The following CTBP2 variants were observed in gnomAD, a reference collection of about 807,000 sequenced individuals.
The protein encoded by CTBP2 is C-terminal-binding protein 2.
In CTBP2, 30 loss-of-function variants were observed where a neutral mutation model predicts 80.3. The ratio of observed to expected loss-of-function variants is 0.37; its 90% CI spans 0.28 to 0.51. CTBP2 has a LOEUF of 0.51. Ranked by LOEUF, CTBP2 falls within the 20% of genes least tolerant of loss-of-function variation. The probability of loss-of-function intolerance (pLI) is 0.93; values close to 1 mark genes in which losing one functional copy is unlikely to be tolerated. For missense variants in CTBP2, 1,212 were observed against 1,375.3 expected (o/e 0.88, Z 1.88); for synonymous variants, 594 against 587.4 (o/e 1.01, Z -0.16).
intron 2 of CTBP2, among the ~76,000 whole-genome samples, chr10:125,109,448 G>A (rs781641176): frequency 6.6e-6 from 1 of 152,188 alleles, no homozygotes; most frequent in Non-Finnish European, 1.5e-5. Flanking sequence ...TGAGAAACCC[G>A]GGCAGATTCT....
chr10:125,090,377 A>G (rs1423655145), intron 2 of CTBP2, among the ~76,000 whole-genome samples: 1 of 151,682 alleles, frequency 6.6e-6, no homozygotes, highest in African/African-American at 2.4e-5. Flanking sequence ...AATATGTATC[A>G]TAAACTGAAT....
Position 124,993,748 on chromosome 10 carries a change from C to T in CTBP2, c.2531+107G>A. 4 of 1,358,046 alleles carry T rather than the reference C, an allele frequency of 2.9e-6. No homozygotes were observed. In the South Asian group the frequency reaches 4.2e-5, roughly 14 times the overall value. The allele number at this position is 1,358,046 out of a possible 1,614,324, so 84.1% of individuals were successfully genotyped here. Reference sequence around the variant, plus strand: ...ACTGTAAATGTCATCTCTGGAGTTTCCTGCCCAGGGACCTGTTTGGGAAAA... The same window carrying T: ...ACTGTAAATGTCATCTCTGGAGTTTTCTGCCCAGGGACCTGTTTGGGAAAA... On this transcript the variant is annotated intron_variant, in intron 6 of 8. Transcript: ENST00000309035.
intron 5 of CTBP2, 88 bp downstream of exon 7, chr10:124,994,381 T>G (rs1465124220): frequency 7.7e-7 from 1 of 1,303,580 alleles, no homozygotes; most frequent in East Asian, 2.4e-5. Flanking sequence ...AGAAACCACC[T>G]CCGTTGCCCT....
chr10:125,073,494 G>A (rs1018508588), intron 2 of CTBP2, among the ~76,000 whole-genome samples: 2 of 152,192 alleles, frequency 1.3e-5, no homozygotes, highest in African/African-American at 4.8e-5. Flanking sequence ...GCCCGCCTTG[G>A]CCCCCCAAAG....
rs183930026 is a variant in CTBP2, at chr10:125,096,937, C to T, written c.-102+14053G>A. ...ATTAACTCTATTCATCAACTAAGTC[C>T]AAACATTTTAGAGTGTATCTGTAAT... is the stretch of plus-strand genomic sequence containing the variant. On this transcript the variant is annotated intron_variant, in intron 2 of 10. Transcript: ENST00000337195. 1.5e-3 allele frequency among the ~76,000 whole-genome samples: 229 copies of T among 152,242 alleles called. 2 individuals are homozygous for T. Among genetic ancestry groups the T allele is most frequent in the Middle Eastern group, 0.014 (4 of 294 alleles).
intron 3 of CTBP2, among the ~76,000 whole-genome samples, chr10:125,001,896 GGTGGCCTCCCTGAAAAC>G (rs1360477690): frequency 1.3e-5 from 2 of 152,236 alleles, no homozygotes; most frequent in African/African-American, 2.4e-5. Context: ...AGCCCATGGG[GGTGGCCTCCCTGAAAAC>G]GTGGCCGGTG....
chr10:124,993,258 T>G lies in CTBP2; in HGVS notation c.2603A>C (p.Gln868Pro). The G allele has an allele frequency of 1.9e-6, 3 of 1,606,872 alleles. No homozygotes were observed. The highest frequency in any genetic ancestry group is 2.6e-6 in the Non-Finnish European group (3 of 1,174,226). The change falls in exon 7 of 9, where the codon CAG (glutamine) becomes CCG (proline). Residue 868 changes from glutamine to proline, a missense_variant. Gln to Pro is a moderately conservative substitution (Grantham distance 76, BLOSUM62 -1). Around this residue, in one of 3 missense-constraint regions of CTBP2, gnomAD observed 335 missense variants for 504.7 expected, o/e 0.66. Transcript: ENST00000309035. ...TGCCTCCCTCATCTCCAGTGACGCCTGCTCACTGTACCAGGCAGTGTGAGG... is the reference window on the plus strand; with the variant it reads ...TGCCTCCCTCATCTCCAGTGACGCCGGCTCACTGTACCAGGCAGTGTGAGG...
intron 2 of CTBP2, among the ~76,000 whole-genome samples, chr10:125,076,069 A>G (rs74906699): frequency 0.11 from 16,658 of 152,232 alleles, 1,231 homozygotes; most frequent in East Asian, 0.31. Context: ...TCATCACACA[A>G]TGGAACCGTA....
At chr10:125,097,877 G>A (rs181607147) in intron 2 of CTBP2, among the ~76,000 whole-genome samples, 2 of 152,240 alleles carry the variant, frequency 1.3e-5, no homozygotes, top group Admixed American at 6.5e-5. Flanking sequence ...AGCACCTTGG[G>A]AGGCCAAGGC....
rs1194942389 is a variant in CTBP2 at position 124,997,999 on chromosome 10, C to T, written c.2150G>A (p.Arg717His). The change falls in exon 4 of 9, where the codon CGC becomes CAC. Residue 717 changes from arginine to histidine, a missense_variant. This residue lies in a region of CTBP2 where 335 missense variants were observed against 504.7 expected (regional missense o/e 0.66). Transcript: ENST00000309035. Reference sequence around the variant, plus strand: ...GAGGCCCAGCGTCTCCCCACGGATGCGGGCCGCTCCCGAGGCCACCTCGCG... The same window carrying T: ...GAGGCCCAGCGTCTCCCCACGGATGTGGGCCGCTCCCGAGGCCACCTCGCG... 7 of 1,612,756 alleles carry T rather than the reference C, an allele frequency of 4.3e-6. No individual in the cohort carries two copies. Among genetic ancestry groups the T allele is most frequent in the Non-Finnish European group, 5.9e-6 (7 of 1,179,936 alleles).
Position 124,998,049 on chromosome 10 carries a change from C to A in CTBP2, c.2100G>T (p.Thr700=), listed in dbSNP as rs747716967. The change falls in exon 4 of 9, where the codon ACG becomes ACT. Residue 700 remains threonine, a synonymous_variant. Coordinates refer to ENST00000309035, the MANE Select transcript of CTBP2 (RefSeq NM_022802.3). ...GGATCTGCTCCACGCTCTGAACCCGCGTGCCTTCCCGCAGTGCCTGGTACA... is the reference window on the plus strand; with the variant it reads ...GGATCTGCTCCACGCTCTGAACCCGAGTGCCTTCCCGCAGTGCCTGGTACA... The A allele has an allele frequency of 6.2e-7, 1 of 1,613,304 alleles. No individual in the cohort carries two copies. The highest frequency in any genetic ancestry group is 8.5e-7 in the Non-Finnish European group (1 of 1,179,960).
intron 1 of CTBP2, among the ~76,000 whole-genome samples, chr10:125,114,155 G>T (rs1852777663): frequency 6.6e-6 from 1 of 152,198 alleles, no homozygotes; most frequent in Non-Finnish European, 1.5e-5. Context: ...TGACTTAGCT[G>T]ATTAAAATCA....
intron 2 of CTBP2, among the ~76,000 whole-genome samples, chr10:125,046,482 C>G (rs1394011602): frequency 6.9e-6 from 1 of 145,490 alleles, no homozygotes; most frequent in Admixed American, 7.2e-5. Context: ...AGGTTGTAGT[C>G]AGCTGAGATC....
intron 1 of CTBP2, among the ~76,000 whole-genome samples, chr10:125,121,849 A>G (rs559917940): frequency 3.3e-5 from 5 of 152,362 alleles, no homozygotes; most frequent in East Asian, 1.9e-4. Context: ...GAAACCTCCC[A>G]AACAGCAGCC....
intron 2 of CTBP2, among the ~76,000 whole-genome samples, chr10:125,098,766 G>GAGAGAGAC (rs1850135220): frequency 7.0e-6 from 1 of 142,968 alleles, no homozygotes. Context: ...GAGAGAGAGA[G>GAGAGAGAC]AGAGAGAGAG....
chr10:125,000,680 G>A (rs11598549), intron 3 of CTBP2: 28,443 of 152,166 alleles, frequency 0.19, 3,430 homozygotes, highest in Middle Eastern at 0.34. Context: ...AGAGCCTTGC[G>A]ATCCCAGAAG....
chr10:125,090,635 T>C (rs1336567609), intron 2 of CTBP2, among the ~76,000 whole-genome samples: 1 of 151,904 alleles, frequency 6.6e-6, no homozygotes, highest in Non-Finnish European at 1.5e-5. Context: ...TGGTGGCATA[T>C]GCCTGCAGTC....
intron 2 of CTBP2, among the ~76,000 whole-genome samples, chr10:125,074,670 A>C (rs2135492774): frequency 6.6e-6 from 1 of 152,344 alleles, no homozygotes; most frequent in Middle Eastern, 3.4e-3. Context: ...ACATTGAAGT[A>C]AGTGTGACTG....
chr10:125,131,060 C>CT (rs1360327912), intron 1 of CTBP2, among the ~76,000 whole-genome samples: 2 of 152,200 alleles, frequency 1.3e-5, no homozygotes, highest in Admixed American at 6.5e-5. Flanking sequence ...AGACGCAAGT[C>CT]TGACAGCAGA....
Sources: gnomAD v4.1 joint callset for allele counts (sites outside exome capture counted in the v4.1 genomes callset) on GRCh38, gnomAD v4.1.1 for gene constraint, gnomAD v4.1.1 regional missense constraint, MANE v1.5 for transcripts, NCBI Gene and HGNC (gene_info 2026-07-23, HGNC 2026-07-21) for gene names.